ADAMTSL1: variants seen among roughly 807,000 people sequenced by gnomAD.
ADAMTSL1 encodes ADAMTS-like protein 1.
ADAMTSL1 carries 126 observed loss-of-function variants against 201.8 expected under a neutral mutation model. The observed-to-expected ratio is 0.62, with a 90% CI of 0.54 to 0.72. The LOEUF (loss-of-function observed/expected upper bound fraction) is 0.72. Ranked by LOEUF, ADAMTSL1 falls within the 30% of genes least tolerant of loss-of-function variation. The pLI, the probability that ADAMTSL1 is intolerant of heterozygous loss-of-function variation, is 0.00. For synonymous variants in ADAMTSL1, 1,121 were observed against 903.4 expected, an observed-to-expected ratio of 1.24 and a Z score of -4.32; for missense variants, 2,679 against 2,277.8, an observed-to-expected ratio of 1.18 and a Z score of -3.59.
chr9:17,973,015 GT>G (rs1158465958), intron 1 of ADAMTSL1, among the ~76,000 whole-genome samples: 3 of 97,946 alleles, frequency 3.1e-5, no homozygotes, highest in Non-Finnish European at 4.6e-5. Context: ...GGGGTTGTTT[GT>G]TTTTTTCTTG....
intron 1 of ADAMTSL1, among the ~76,000 whole-genome samples, chr9:17,931,318 A>C (rs1369506840): frequency 1.3e-5 from 2 of 152,122 alleles, no homozygotes; most frequent in East Asian, 3.9e-4. Flanking sequence ...CCTTAGCAGA[A>C]AGAAAGAATT....
intron 1 of ADAMTSL1, among the ~76,000 whole-genome samples, chr9:18,163,708 G>A (rs2132093200): frequency 6.6e-6 from 1 of 152,146 alleles, no homozygotes; most frequent in South Asian, 2.1e-4. Context: ...GAATGTTCTA[G>A]TGGTTCTCGC....
chr9:18,231,060 A>G lies in ADAMTSL1; in HGVS notation c.207+67079A>G, dbSNP rs144738303. ...TCAGCCTGGGCGTAGCTTTTCTCATACTGGACGTCCCAATACCTCAGACCA... is the reference window on the plus strand; with the variant it reads ...TCAGCCTGGGCGTAGCTTTTCTCATGCTGGACGTCCCAATACCTCAGACCA... On this transcript the variant is annotated intron_variant, in intron 2 of 29. Coordinates refer to the ADAMTSL1 transcript ENST00000680146. Among the ~76,000 whole-genome samples the G allele has an allele frequency of 2.5e-3, 385 of 152,136 alleles. 2 individuals are homozygous for G. The highest frequency in any genetic ancestry group is 8.6e-3 in the African/African-American group (355 of 41,514).
chr9:18,460,147 A>G (rs1820754600), intron 2 of ADAMTSL1, among the ~76,000 whole-genome samples: 1 of 152,250 alleles, frequency 6.6e-6, no homozygotes, highest in Admixed American at 6.5e-5. Context: ...AGTCTTAAGC[A>G]TGACATTTCA....
At chr9:17,916,595 T>C (rs1008881579) in intron 1 of ADAMTSL1, among the ~76,000 whole-genome samples, 12 of 152,198 alleles carry the variant, frequency 7.9e-5, no homozygotes, top group African/African-American at 2.7e-4. Context: ...GAATTGTCTT[T>C]GTACTTCAAA....
At chr9:18,188,428 T>C (rs1347229499) in intron 2 of ADAMTSL1, among the ~76,000 whole-genome samples, 2 of 152,156 alleles carry the variant, frequency 1.3e-5, no homozygotes, top group East Asian at 1.9e-4. Flanking sequence ...ACATGAACTA[T>C]GCAAGTGACC....
intron 2 of ADAMTSL1, among the ~76,000 whole-genome samples, chr9:18,388,369 G>A (rs115883752): frequency 0.028 from 4,193 of 151,810 alleles, 201 homozygotes; most frequent in African/African-American, 0.096. Context: ...TACCTCCTCG[G>A]TTCAAGCAAT....
chr9:18,514,060 G>GT (rs35382307), intron 2 of ADAMTSL1, among the ~76,000 whole-genome samples: 13,619 of 152,060 alleles, frequency 0.09, 802 homozygotes, highest in Non-Finnish European at 0.13. Flanking sequence ...GCAACGCATT[G>GT]TATCTATAGA....
intron 2 of ADAMTSL1, among the ~76,000 whole-genome samples, chr9:18,293,353 A>G (rs1295473318): frequency 6.6e-6 from 1 of 152,250 alleles, no homozygotes; most frequent in Non-Finnish European, 1.5e-5. Context: ...GCTGCCAGCT[A>G]CATTTGGTCC....
At chr9:18,818,783 C>T (rs1041898554) in intron 21 of ADAMTSL1, among the ~76,000 whole-genome samples, 22 of 151,704 alleles carry the variant, frequency 1.5e-4, no homozygotes, top group Non-Finnish European at 3.1e-4. Flanking sequence ...GAGCGAGACC[C>T]TATCTCAAAA....
At chr9:17,963,286 A>G (rs1036479602) in intron 1 of ADAMTSL1, among the ~76,000 whole-genome samples, 2 of 152,154 alleles carry the variant, frequency 1.3e-5, no homozygotes, top group East Asian at 1.9e-4. Context: ...TTTATCATAT[A>G]TTTATTCGCC....
intron 2 of ADAMTSL1, among the ~76,000 whole-genome samples, chr9:18,180,580 G>T (rs531766516): frequency 2.6e-5 from 4 of 151,002 alleles, no homozygotes; most frequent in Non-Finnish European, 5.9e-5. Flanking sequence ...ACTTACCAGG[G>T]ATGTGAAGGA....
chr9:18,189,951 C>G (rs951105691), intron 2 of ADAMTSL1, among the ~76,000 whole-genome samples: 6 of 152,116 alleles, frequency 3.9e-5, no homozygotes, highest in African/African-American at 1.4e-4. Context: ...TTTAAAAGAG[C>G]CTGTTAAACT....
intron 2 of ADAMTSL1, among the ~76,000 whole-genome samples, chr9:18,420,859 G>T (rs1000173709): frequency 1.3e-5 from 2 of 152,320 alleles, no homozygotes; most frequent in South Asian, 4.1e-4. Flanking sequence ...AACTCTGAAT[G>T]GTAATGGGTG....
At chr9:18,824,462 T>C (rs1035634273) in intron 21 of ADAMTSL1, among the ~76,000 whole-genome samples, 4 of 152,178 alleles carry the variant, frequency 2.6e-5, no homozygotes, top group Non-Finnish European at 5.9e-5. Flanking sequence ...CCACTTTCGG[T>C]AGCCCTGCCT....
At chr9:18,025,394 C>T (rs546188546) in intron 1 of ADAMTSL1, among the ~76,000 whole-genome samples, 11 of 152,198 alleles carry the variant, frequency 7.2e-5, no homozygotes, top group African/African-American at 2.4e-4. Flanking sequence ...TCAGCTCTTA[C>T]ATTTAAGTCT....
At chr9:18,780,189 A>G (rs1821309289) in intron 19 of ADAMTSL1, among the ~76,000 whole-genome samples, 1 of 152,210 alleles carries the variant, frequency 6.6e-6, no homozygotes, top group Admixed American at 6.5e-5. Flanking sequence ...GGAAGGAGGT[A>G]GACAAGCATT....
intron 4 of ADAMTSL1, among the ~76,000 whole-genome samples, chr9:18,594,431 T>G (rs570450755): frequency 6.6e-6 from 1 of 152,322 alleles, no homozygotes; most frequent in Admixed American, 6.5e-5. Flanking sequence ...CCTTTCTTTC[T>G]CAGTTCCCTC....
intron 1 of ADAMTSL1, among the ~76,000 whole-genome samples, chr9:18,154,762 T>A (rs1827075955): frequency 1.3e-5 from 2 of 152,046 alleles, no homozygotes; most frequent in African/African-American, 4.8e-5. Flanking sequence ...GTGAAGTACA[T>A]CAAGAATGAC....
Sources: allele counts gnomAD v4.1 joint callset (sites outside exome capture counted in the v4.1 genomes callset), GRCh38; gene constraint gnomAD v4.1.1; transcripts MANE v1.5; gene names NCBI Gene and HGNC (gene_info 2026-07-23, HGNC 2026-07-21).